NELL2: variants seen among roughly 807,000 people sequenced by gnomAD.
NELL2 encodes the protein protein kinase C-binding protein NELL2.
Under a neutral mutation model 109.6 loss-of-function variants are expected in NELL2, and 41 were observed. The observed-to-expected ratio is 0.37, with a 90% confidence interval of 0.29 to 0.49. The LOEUF (loss-of-function observed/expected upper bound fraction) is 0.49. NELL2 is among the 20% of genes least tolerant of loss of function. NELL2 has a pLI of 0.98. For synonymous variants in NELL2, 355 were observed against 344.7 expected (o/e 1.03, Z -0.33); for missense variants, 900 against 1,008.3 (o/e 0.89, Z 1.45).
chr12:44,825,963 A>G (rs1943697917), intron 2 of NELL2, among the ~76,000 whole-genome samples: 1 of 151,626 alleles, frequency 6.6e-6, no homozygotes, highest in Non-Finnish European at 1.5e-5. Context: ...AATTGCTTGA[A>G]CCTGGGAGGC....
At chr12:44,895,063 T>A (rs752236263) in intron 1 of NELL2, among the ~76,000 whole-genome samples, 2 of 152,222 alleles carry the variant, frequency 1.3e-5, no homozygotes, top group Non-Finnish European at 2.9e-5. Flanking sequence ...GTGTAGGATT[T>A]AACACATTTG....
At chr12:44,628,161 C>G (rs1172925119) in intron 13 of NELL2, among the ~76,000 whole-genome samples, 1 of 152,144 alleles carries the variant, frequency 6.6e-6, no homozygotes, top group Admixed American at 6.6e-5. Context: ...CACACAGATC[C>G]TCATTCCATA....
rs1001782555 is a variant in NELL2 at position 44,763,905 on chromosome 12, C to A, written c.994+10842G>T. On this transcript the variant is annotated intron_variant, in intron 9 of 19. Transcript: ENST00000429094. ...CAAAGACTTCATCGTATTTGGAGTA[C>A]TAATAGTTAACAAGTTGGAAGAGAA... 5.2e-4 allele frequency among the ~76,000 whole-genome samples: 79 copies of A among 152,024 alleles called. 2 individuals are homozygous for A. Among genetic ancestry groups the A allele is most frequent in the Non-Finnish European group, 1.5e-5 (1 of 68,000 alleles).
At chr12:44,878,792 A>C (rs944969377), upstream of NELL2, among the ~76,000 whole-genome samples, 5 of 152,162 alleles carry the variant, frequency 3.3e-5, no homozygotes, top group Non-Finnish European at 7.4e-5. Flanking sequence ...ACATACACTC[A>C]AACTCCTTTT....
rs140282802 is a variant in NELL2, at chr12:44,761,982, C to T, written c.994+12765G>A. Among the ~76,000 whole-genome samples the T allele has an allele frequency of 6.4e-3, 969 of 152,130 alleles. 15 individuals carry two copies. Among genetic ancestry groups the T allele is most frequent in the African/African-American group, 0.022 (919 of 41,508 alleles). On this transcript the variant is annotated intron_variant, in intron 9 of 19. Coordinates refer to ENST00000429094, the MANE Select transcript of NELL2 (RefSeq NM_001145108.2). ...TAAAAGCTGAAACTTCAGCATTATA[C>T]AATATATCCATGTAACAAACCTGTA...
intron 12 of NELL2, among the ~76,000 whole-genome samples, chr12:44,669,691 C>A (rs985255882): frequency 6.6e-6 from 1 of 151,978 alleles, no homozygotes; most frequent in African/African-American, 2.4e-5. Context: ...ATAACTCAGT[C>A]AGACCAAAAA....
At chr12:44,666,112 A>G (rs1947916594) in intron 12 of NELL2, among the ~76,000 whole-genome samples, 1 of 152,218 alleles carries the variant, frequency 6.6e-6, no homozygotes, top group African/African-American at 2.4e-5. Flanking sequence ...AAGTAGACAT[A>G]TAGCTATCCC....
At chr12:44,688,044 T>A in intron 12 of NELL2, among the ~76,000 whole-genome samples, 1 of 152,202 alleles carries the variant, frequency 6.6e-6, no homozygotes, top group East Asian at 1.9e-4. Flanking sequence ...TCAAGTATTT[T>A]AACCTGCTAT....
At chr12:44,667,754 C>A (rs2136343727) in intron 12 of NELL2, among the ~76,000 whole-genome samples, 1 of 152,272 alleles carries the variant, frequency 6.6e-6, no homozygotes, top group African/African-American at 2.4e-5. Flanking sequence ...AGAAGTGAAG[C>A]AGTTGGCCCA....
At chr12:44,604,003 T>C (rs895767911) in intron 15 of NELL2, among the ~76,000 whole-genome samples, 2 of 152,102 alleles carry the variant, frequency 1.3e-5, no homozygotes, top group African/African-American at 4.8e-5. Context: ...GCCATTCCTA[T>C]ACTTGGAAAT....
intron 1 of NELL2, among the ~76,000 whole-genome samples, chr12:44,895,222 A>G (rs1408005498): frequency 6.6e-6 from 1 of 152,186 alleles, no homozygotes; most frequent in Non-Finnish European, 1.5e-5. Flanking sequence ...TCAGAAGAGC[A>G]TCTATTTCCC....
At chr12:44,512,490 GA>G (rs139720889) in intron 19 of NELL2, among the ~76,000 whole-genome samples, 16,555 of 147,402 alleles carry the variant, frequency 0.11, 1,328 homozygotes, top group African/African-American at 0.23. Context: ...TTACTGAAAG[GA>G]AAAAAAAAAT....
intron 2 of NELL2, among the ~76,000 whole-genome samples, chr12:44,862,780 C>A (rs894466801): frequency 6.6e-6 from 1 of 151,782 alleles, no homozygotes; most frequent in Non-Finnish European, 1.5e-5. Context: ...ACAGAATGAT[C>A]AACTGGAAGA....
In NELL2 at chr12:44,785,280, A is replaced by C. The variant is rs1299738349; in HGVS notation, c.336-5258T>G. 3.9e-5 allele frequency among the ~76,000 whole-genome samples: 6 copies of C among 152,356 alleles called. No individual in the cohort carries two copies. In the South Asian group the frequency reaches 6.2e-4, roughly 16 times the overall value. Reference sequence around the variant, plus strand: ...AAATCATGAGTGAACTTCCATTCACAATTGCTACAAAGAGAATAAAATACC... The same window carrying C: ...AAATCATGAGTGAACTTCCATTCACCATTGCTACAAAGAGAATAAAATACC... On this transcript the variant is annotated intron_variant, in intron 3 of 19. Coordinates refer to ENST00000429094, the MANE Select transcript of NELL2 (RefSeq NM_001145108.2).
At chr12:44,705,123 T>C (rs1395698694) in intron 11 of NELL2, among the ~76,000 whole-genome samples, 3 of 152,214 alleles carry the variant, frequency 2.0e-5, no homozygotes, top group Non-Finnish European at 2.9e-5. Context: ...ATCATATAGA[T>C]GGAAGTACTA....
At chr12:44,796,764 T>TA (rs1474135237) in intron 3 of NELL2, among the ~76,000 whole-genome samples, 14 of 152,112 alleles carry the variant, frequency 9.2e-5, no homozygotes, top group Non-Finnish European at 2.9e-5. Context: ...CACCAAGAGA[T>TA]AAGATCAGTA....
intron 1 of NELL2, among the ~76,000 whole-genome samples, chr12:44,886,211 A>T (rs1945472270): frequency 6.6e-6 from 1 of 151,940 alleles, no homozygotes; most frequent in Non-Finnish European, 1.5e-5. Context: ...GTGGATTATA[A>T]GCTTATGTGT....
chr12:44,560,042 T>A (rs1943409109), intron 15 of NELL2, among the ~76,000 whole-genome samples: 1 of 152,130 alleles, frequency 6.6e-6, no homozygotes, highest in Non-Finnish European at 1.5e-5. Flanking sequence ...ACCACACAAC[T>A]ATATGGAAAC....
At chr12:44,668,071 G>T (rs1017388867) in intron 12 of NELL2, among the ~76,000 whole-genome samples, 2 of 152,108 alleles carry the variant, frequency 1.3e-5, no homozygotes, top group African/African-American at 4.8e-5. Context: ...AAAAGCCCCT[G>T]CTTTTCTACA....
Sources: gnomAD v4.1 joint callset for allele counts (sites outside exome capture counted in the v4.1 genomes callset) on GRCh38, gnomAD v4.1.1 for gene constraint, MANE v1.5 for transcripts, NCBI Gene and HGNC (gene_info 2026-07-23, HGNC 2026-07-21) for gene names.